Variants in ZNF676 observed in about 807,000 individuals in gnomAD.
The protein encoded by ZNF676 is zinc finger protein 676.
Under a neutral mutation model 6.0 loss-of-function variants are expected in ZNF676, and 4 were observed. That is an observed-to-expected ratio of 0.67 (90% CI 0.33 to 1.53). The LOEUF is 1.53. ZNF676 is among the 40% of genes most tolerant of loss of function. ZNF676 has a pLI of 0.06. For synonymous variants in ZNF676, 198 were observed against 223.1 expected, an observed-to-expected ratio of 0.89 and a Z score of 1.00; for missense variants, 644 against 679.7, an observed-to-expected ratio of 0.95 and a Z score of 0.58.
At chr19:22,253,466 G>A in the ZNF676 span, among the ~76,000 whole-genome samples, 95,218 of 127,722 alleles carry the variant, frequency 0.75, 33,336 homozygotes, top group Admixed American at 0.81. Flanking sequence ...GATAATGTGT[G>A]TATATATATG....
the ZNF676 span, among the ~76,000 whole-genome samples, chr19:22,240,605 C>T: frequency 3.0e-3 from 460 of 152,016 alleles, 17 homozygotes; most frequent in African/African-American, 0.011. Context: ...ACCAGCCTGA[C>T]CAACAAGGTG....
the ZNF676 span, among the ~76,000 whole-genome samples, chr19:22,257,841 C>A: frequency 6.6e-6 from 1 of 152,094 alleles, no homozygotes; most frequent in Non-Finnish European, 1.5e-5. Flanking sequence ...TGTCACAATG[C>A]CCTCAGGTGC....
Position 22,179,754 on chromosome 19 carries a change from G to T in ZNF676, c.*196C>A. 6 of 785,858 alleles carry T rather than the reference G, an allele frequency of 7.6e-6. No individual in the cohort carries two copies. The highest frequency in any genetic ancestry group is 1.1e-5 in the Non-Finnish European group (5 of 449,880). 48.7% of individuals were successfully genotyped at this position (785,858 alleles called of 1,614,324 possible). On this transcript the variant is annotated 3_prime_UTR_variant, in exon 3 of 3. Transcript: ENST00000397121. ...TATGTTCCACAAGGTTTGAGGACCG[G>T]TTGAAGCCTTTGTCACATTCTTCAC...
chr19:22,238,537 C>A, the ZNF676 span, among the ~76,000 whole-genome samples: 1 of 152,074 alleles, frequency 6.6e-6, no homozygotes, highest in Non-Finnish European at 1.5e-5. Flanking sequence ...AGCCAACCCC[C>A]GAAACACCAG....
In ZNF676 at chr19:22,179,947, T is replaced by C. The variant is rs1359190599; in HGVS notation, c.*3A>G. On this transcript the variant is annotated 3_prime_UTR_variant, in exon 3 of 3. Coordinates refer to ENST00000397121, the MANE Select transcript of ZNF676 (RefSeq NM_001001411.3). ...TGAAGGATTTACCACATTCTTCACATTTTTAGGGATTCTCTCCAGTATGAA... is the reference window on the plus strand; with the variant it reads ...TGAAGGATTTACCACATTCTTCACACTTTTAGGGATTCTCTCCAGTATGAA... 2.5e-6 allele frequency: 4 copies of C among 1,611,910 alleles called. No individual in the cohort carries two copies. Among genetic ancestry groups the C allele is most frequent in the Non-Finnish European group, 3.4e-6 (4 of 1,178,970 alleles).
the ZNF676 span, among the ~76,000 whole-genome samples, chr19:22,251,775 A>G: frequency 6.7e-6 from 1 of 148,506 alleles, no homozygotes; most frequent in Non-Finnish European, 1.5e-5. Flanking sequence ...CGACAGAGCA[A>G]GACTCCATCT....
chr19:22,233,253 C>T, the ZNF676 span, among the ~76,000 whole-genome samples: 1 of 152,212 alleles, frequency 6.6e-6, no homozygotes, highest in Non-Finnish European at 1.5e-5. Flanking sequence ...AAGTGATCCA[C>T]CCATCGCTGC....
At chr19:22,240,210 G>A in the ZNF676 span, among the ~76,000 whole-genome samples, 4 of 149,950 alleles carry the variant, frequency 2.7e-5, no homozygotes, top group South Asian at 2.1e-4. Flanking sequence ...GTGGGCAGGG[G>A]CCAGGCAGAA....
At chr19:22,253,679 G>C in the ZNF676 span, among the ~76,000 whole-genome samples, 339 of 151,982 alleles carry the variant, frequency 2.2e-3, 4 homozygotes, top group African/African-American at 7.7e-3. Flanking sequence ...GAGTCACCAT[G>C]TCAACTGTAG....
chr19:22,245,489 G>A, the ZNF676 span: 1 of 120,142 alleles, frequency 8.3e-6, no homozygotes. Flanking sequence ...GATGGGCCCA[G>A]AGATATGTCA....
At chr19:22,189,360 T>C (rs2023875529) in intron 2 of ZNF676, among the ~76,000 whole-genome samples, 1 of 150,594 alleles carries the variant, frequency 6.6e-6, no homozygotes, top group African/African-American at 2.4e-5. Flanking sequence ...TTAACTCAAA[T>C]TGATTTAAAG....
At chr19:22,211,488 G>A (rs1254512747) in intron 1 of ZNF676, among the ~76,000 whole-genome samples, 3 of 152,114 alleles carry the variant, frequency 2.0e-5, no homozygotes, top group African/African-American at 7.2e-5. Context: ...CAAAAACAGT[G>A]TTCATATAAG....
intron 2 of ZNF676, among the ~76,000 whole-genome samples, chr19:22,184,059 A>C (rs2023797617): frequency 6.6e-6 from 1 of 152,180 alleles, no homozygotes; most frequent in Non-Finnish European, 1.5e-5. Context: ...AAAATAGAGG[A>C]GGCTGGCAAG....
At chr19:22,184,282 G>A (rs768753999) in intron 2 of ZNF676, among the ~76,000 whole-genome samples, 2 of 152,094 alleles carry the variant, frequency 1.3e-5, no homozygotes, top group Non-Finnish European at 2.9e-5. Flanking sequence ...CCTAGCCAAA[G>A]GAAGGGTTTA....
rs532672370 is a variant in ZNF676 at position 22,183,013 on chromosome 19, CATA to C, written c.131-1430_131-1428del. ...CATCAGTGAAAAATTTAAGAGCAGA[CATA>C]ATAAGGAGGACTTTTTTATGCAACT... On this transcript the variant is annotated intron_variant, in intron 2 of 2. Transcript: ENST00000397121. Among the ~76,000 whole-genome samples, 184 of 152,114 alleles carry C rather than the reference CATA, an allele frequency of 1.2e-3. 1 individual carries two copies. Among genetic ancestry groups the C allele is most frequent in the African/African-American group, 4.1e-3 (172 of 41,520 alleles).
chr19:22,250,785 A>T, the ZNF676 span, among the ~76,000 whole-genome samples: 1 of 151,724 alleles, frequency 6.6e-6, no homozygotes, highest in Non-Finnish European at 1.5e-5. Context: ...GATTTCAACT[A>T]ACTGCAACCT....
chr19:22,251,334 C>T, the ZNF676 span, among the ~76,000 whole-genome samples: 136,682 of 152,170 alleles, frequency 0.9, 63,191 homozygotes, highest in East Asian at 1. Flanking sequence ...AGAAAAAAAT[C>T]ATGTTTCAAG....
At chr19:22,213,257 T>C (rs1190231131) in intron 1 of ZNF676, among the ~76,000 whole-genome samples, 7 of 152,190 alleles carry the variant, frequency 4.6e-5, no homozygotes, top group Non-Finnish European at 7.3e-5. Flanking sequence ...TTTTTCTTTG[T>C]CTTTGGAGTG....
At chr19:22,234,477 T>C in the ZNF676 span, among the ~76,000 whole-genome samples, 7 of 152,192 alleles carry the variant, frequency 4.6e-5, no homozygotes, top group African/African-American at 1.7e-4. Flanking sequence ...TGTGGTTAGA[T>C]GGGTCAGAAA....
Sources: gnomAD v4.1 joint callset for allele counts (sites outside exome capture counted in the v4.1 genomes callset) on GRCh38, gnomAD v4.1.1 for gene constraint, MANE v1.5 for transcripts, NCBI Gene and HGNC (gene_info 2026-07-23, HGNC 2026-07-21) for gene names.